PIAS1: variants seen among roughly 807,000 people sequenced by gnomAD.
PIAS1 encodes E3 SUMO-protein ligase PIAS1.
PIAS1 carries 6 observed loss-of-function variants against 71.3 expected under a neutral mutation model. The ratio of observed to expected loss-of-function variants is 0.08; its 90% CI spans 0.05 to 0.17. PIAS1 has a LOEUF of 0.17. Among genes scored for constraint, PIAS1 ranks in the 10% least tolerant of loss-of-function variants. The pLI is 1.00. For synonymous variants in PIAS1, 303 were observed against 292.9 expected, an observed-to-expected ratio of 1.03 and a Z score of -0.35; for missense variants, 555 against 793.6, an observed-to-expected ratio of 0.70 and a Z score of 3.61.
At chr15:68,079,144 C>T (rs1254039226) in intron 1 of PIAS1, among the ~76,000 whole-genome samples, 1 of 151,706 alleles carries the variant, frequency 6.6e-6, no homozygotes, top group Non-Finnish European at 1.5e-5. Flanking sequence ...CTGTATTTGC[C>T]AGTACCATTA....
chr15:68,099,488 A>C (rs943402069), intron 2 of PIAS1, among the ~76,000 whole-genome samples: 2 of 151,974 alleles, frequency 1.3e-5, no homozygotes, highest in African/African-American at 4.8e-5. Flanking sequence ...TGGATATATC[A>C]CAATTTCTCT....
intron 2 of PIAS1, among the ~76,000 whole-genome samples, chr15:68,134,328 T>C (rs1595753042): frequency 2.0e-4 from 5 of 24,806 alleles, no homozygotes; most frequent in South Asian, 1.2e-3. Context: ...GAGGCGCCCC[T>C]CATCTCCCAG....
chr15:68,117,301 G>C (rs2092573419), intron 2 of PIAS1, among the ~76,000 whole-genome samples: 1 of 152,152 alleles, frequency 6.6e-6, no homozygotes, highest in Non-Finnish European at 1.5e-5. Flanking sequence ...GGCCAGGCTG[G>C]TCTCGAACTC....
rs148506690 is a variant in PIAS1 at position 68,104,461 on chromosome 15, G to T, written c.469+17711G>T. On this transcript the variant is annotated intron_variant, in intron 2 of 13. Coordinates refer to ENST00000249636, the MANE Select transcript of PIAS1 (RefSeq NM_016166.3). ...TCAACAACTTTTAAGAGTAATTACT[G>T]TGTCTTGCCTCTTCTCCTCTTCACT... 1.2e-4 allele frequency among the ~76,000 whole-genome samples: 18 copies of T among 152,224 alleles called. No individual in the cohort carries two copies. The East Asian group carries it at 3.3e-3, about 28-fold the overall frequency.
At chr15:68,095,025 G>C (rs1364847744) in intron 2 of PIAS1, among the ~76,000 whole-genome samples, 2 of 152,018 alleles carry the variant, frequency 1.3e-5, no homozygotes, top group Admixed American at 1.3e-4. Flanking sequence ...TGTGATCTTG[G>C]GAACTAAGAA....
intron 1 of PIAS1, among the ~76,000 whole-genome samples, chr15:68,071,795 G>T (rs180682490): frequency 1.6e-3 from 237 of 151,510 alleles, no homozygotes; most frequent in Non-Finnish European, 2.4e-3. Context: ...ACAAAAAACA[G>T]AAATTAGCCA....
At chr15:68,133,682 A>T (rs1567057216) in intron 2 of PIAS1, among the ~76,000 whole-genome samples, 2 of 76 alleles carry the variant, frequency 0.026, 1 homozygote, top group African/African-American at 0.027. Context: ...TTAGATTTTT[A>T]TTTTTATTTT....
At chr15:68,122,643 G>T (rs895661822) in intron 2 of PIAS1, among the ~76,000 whole-genome samples, 2 of 151,966 alleles carry the variant, frequency 1.3e-5, no homozygotes, top group African/African-American at 4.8e-5. Context: ...TATTTTGGTT[G>T]GTTTTATAGG....
At chr15:68,132,793 C>T (rs190306092) in intron 2 of PIAS1, among the ~76,000 whole-genome samples, 7 of 152,094 alleles carry the variant, frequency 4.6e-5, no homozygotes, top group East Asian at 1.9e-4. Flanking sequence ...TGAGAGTCCA[C>T]GCAAAATATA....
chr15:68,070,808 A>C (rs2092086835), intron 1 of PIAS1, among the ~76,000 whole-genome samples: 2 of 152,186 alleles, frequency 1.3e-5, no homozygotes, highest in Admixed American at 6.5e-5. Context: ...TGAAATAGAG[A>C]TGTGGCCTCA....
In PIAS1 at chr15:68,178,343, C is replaced by G. The variant is rs2093032892; in HGVS notation, c.1481+1689C>G. ...TTCTACAGTAGTCCATCTTGGCATA[C>G]AGACAGAAACAAAGACATTAAAAAC... is the stretch of plus-strand genomic sequence containing the variant. On this transcript the variant is annotated intron_variant, in intron 11 of 13. Transcript: ENST00000249636. This position sits in a 1 kb window ranked among gnomAD's most constrained non-coding sequence, Gnocchi z 4.2. 6.6e-6 allele frequency among the ~76,000 whole-genome samples: 1 copy of G among 152,166 alleles called. No homozygotes were observed. The highest frequency in any genetic ancestry group is 1.5e-5 in the Non-Finnish European group (1 of 68,034).
chr15:68,151,683 A>AACACACACACACAC (rs754171390), intron 6 of PIAS1, among the ~76,000 whole-genome samples: 239 of 134,854 alleles, frequency 1.8e-3, no homozygotes, highest in Middle Eastern at 7.4e-3. Context: ...AAAAAAACAA[A>AACACACACACACAC]ACACACACAC....
At chr15:68,075,207 T>G (rs2092148614) in intron 1 of PIAS1, among the ~76,000 whole-genome samples, 1 of 147,548 alleles carries the variant, frequency 6.8e-6, no homozygotes, top group South Asian at 2.2e-4. Flanking sequence ...TGCCTCAGCC[T>G]CCTGAGTAGC....
At chr15:68,157,450 C>A (rs969426708) in intron 7 of PIAS1, among the ~76,000 whole-genome samples, 2 of 152,142 alleles carry the variant, frequency 1.3e-5, no homozygotes, top group African/African-American at 4.8e-5. Flanking sequence ...GCTCTTTTTA[C>A]CTCCTCACTG....
intron 1 of PIAS1, among the ~76,000 whole-genome samples, chr15:68,061,224 G>C (rs1283140294): frequency 6.6e-6 from 1 of 152,174 alleles, no homozygotes; most frequent in Non-Finnish European, 1.5e-5. Flanking sequence ...GGATTTCTTT[G>C]AAATAGGCAG....
At chr15:68,135,494 T>G (rs1191343628) in intron 2 of PIAS1, among the ~76,000 whole-genome samples, 1 of 11,874 alleles carries the variant, frequency 8.4e-5, no homozygotes, top group African/African-American at 2.2e-4. Flanking sequence ...CGGGGGGGGC[T>G]AACCCCCCCC....
rs1223976391 is a variant in PIAS1, at chr15:68,191,422, T to C, written c.*3587T>C. ...TTACCTATTGAATGTTACCTGTTTA[T>C]GTAGAGCTCTTTAGATGTAATAAAA... On this transcript the variant is annotated 3_prime_UTR_variant, in exon 14 of 14. Coordinates refer to ENST00000249636, the MANE Select transcript of PIAS1 (RefSeq NM_016166.3). 1 of 152,666 alleles carries C rather than the reference T, an allele frequency of 6.6e-6. No individual in the cohort carries two copies. Among genetic ancestry groups the C allele is most frequent in the Non-Finnish European group, 1.5e-5 (1 of 68,038 alleles). 9.5% of individuals were successfully genotyped at this position (152,666 alleles called of 1,614,324 possible). A position where few individuals can be genotyped will look rare whatever the true frequency, so the allele number is the denominator to read the frequency against.
intron 2 of PIAS1, among the ~76,000 whole-genome samples, chr15:68,125,232 A>G (rs1314344279): frequency 6.6e-6 from 1 of 151,946 alleles, no homozygotes; most frequent in Non-Finnish European, 1.5e-5. Context: ...CTCCAGATGG[A>G]TAAGATGAAT....
At chr15:68,127,215 C>T (rs562180148) in intron 2 of PIAS1, among the ~76,000 whole-genome samples, 9 of 152,248 alleles carry the variant, frequency 5.9e-5, no homozygotes, top group South Asian at 4.1e-4. Context: ...TGAGCCACCG[C>T]GCCTGGTCAT....
Sources: allele counts gnomAD v4.1 joint callset (sites outside exome capture counted in the v4.1 genomes callset), GRCh38; gene constraint gnomAD v4.1.1; non-coding constraint Gnocchi (gnomAD v3.1); transcripts MANE v1.5; gene names NCBI Gene and HGNC (gene_info 2026-07-23, HGNC 2026-07-21).